The following ACSF3 variants were observed in gnomAD, a reference collection of about 807,000 sequenced individuals.
ACSF3 encodes malonate--CoA ligase ACSF3, mitochondrial.
In ACSF3, 78 loss-of-function variants were observed where a neutral mutation model predicts 53.2. That is an observed-to-expected ratio of 1.47 (90% CI 1.22 to 1.77). The LOEUF (loss-of-function observed/expected upper bound fraction) is 1.77, where lower values mean the gene tolerates loss of function less well. ACSF3 is among the 40% of genes most tolerant of loss of function. The pLI is 0.00. For synonymous variants in ACSF3, 414 were observed against 333.1 expected (o/e 1.24, Z -2.65); for missense variants, 937 against 771.1 (o/e 1.22, Z -2.55).
chr16:89,093,956 G>A lies in ACSF3; in HGVS notation c.-234G>A, dbSNP rs2151380083. ...GCGGCGGAGGACGAGGAAGAGTTGT[G>A]GCGAGGCAGATCCTGCCCCGTGGCC... is the stretch of plus-strand genomic sequence containing the variant. On this transcript the variant is annotated 5_prime_UTR_variant, in exon 1 of 11. Coordinates refer to ENST00000614302, the MANE Select transcript of ACSF3 (RefSeq NM_001243279.3). 1 of 322,184 alleles carries A rather than the reference G, an allele frequency of 3.1e-6. No homozygotes were observed. The highest frequency in any genetic ancestry group is 6.5e-6 in the Non-Finnish European group (1 of 154,090). The allele number at this position is 322,184 out of a possible 1,614,324, so 20.0% of individuals were successfully genotyped here.
At position 89,155,632 on chromosome 16, in the gene ACSF3, G is replaced by A. The variant is rs1216769379; in HGVS notation, c.*1425G>A. On this transcript the variant is annotated 3_prime_UTR_variant, in exon 11 of 11. Coordinates refer to ENST00000614302, the MANE Select transcript of ACSF3 (RefSeq NM_001243279.3). ...GTCCCGCCCTCCCGCCAGAGGCCTG[G>A]ACCCAAGGGAACGGCAGTCAGAGAC... 5 of 454,098 alleles carry A rather than the reference G, an allele frequency of 1.1e-5. No homozygotes were observed. The Admixed American group carries it at 1.2e-4, about 11-fold the overall frequency. The allele number at this position is 454,098 out of a possible 1,614,324, so 28.1% of individuals were successfully genotyped here. A position where few individuals can be genotyped will look rare whatever the true frequency, so the allele number is the denominator to read the frequency against.
At chr16:89,135,792 T>C (rs1202843086) in intron 8 of ACSF3, among the ~76,000 whole-genome samples, 1 of 152,270 alleles carries the variant, frequency 6.6e-6, no homozygotes, top group African/African-American at 2.4e-5. Flanking sequence ...TAGTTATTTT[T>C]GAGACGGAGT....
At chr16:89,120,575 C>T (rs534404563) in intron 6 of ACSF3, among the ~76,000 whole-genome samples, 26 of 152,378 alleles carry the variant, frequency 1.7e-4, no homozygotes, top group African/African-American at 4.6e-4. Flanking sequence ...ACTGTGGCAT[C>T]GGCTGGGCCT....
At chr16:89,097,060 C>G (rs112483345) in intron 1 of ACSF3, among the ~76,000 whole-genome samples, 13 of 152,258 alleles carry the variant, frequency 8.5e-5, no homozygotes, top group Non-Finnish European at 2.9e-5. Context: ...GGAATCCACT[C>G]TTATTCTTCC....
Position 89,112,175 on chromosome 16 carries a change from GTAC to G in ACSF3, c.910_912del (p.Tyr304del), listed in dbSNP as rs779961848. ...CTACAATATACACCAAGCTGATGGA[GTAC>G]TACGACAGGCATTTTACCCAGCCGC... On this transcript the variant is annotated inframe_deletion, in exon 5 of 11. Transcript: ENST00000614302. The G allele has an allele frequency of 7.6e-7, 1 of 1,312,960 alleles. No individual in the cohort carries two copies. The highest frequency in any genetic ancestry group is 2.6e-5 in the Admixed American group (1 of 38,570). The allele number at this position is 1,312,960 out of a possible 1,614,324, so 81.3% of individuals were successfully genotyped here. A position where few individuals can be genotyped will look rare whatever the true frequency, so the allele number is the denominator to read the frequency against.
chr16:89,097,526 G>A lies in ACSF3; in HGVS notation c.-193-1065G>A, dbSNP rs80184139. On this transcript the variant is annotated intron_variant, in intron 1 of 10. Coordinates refer to ENST00000614302, the MANE Select transcript of ACSF3 (RefSeq NM_001243279.3). ...AGTGCCCAGTCGGTTTTCTGTGTGT[G>A]GATTCTCCTTGTTTCTGTGCCCTCA... is the stretch of plus-strand genomic sequence containing the variant. Among the ~76,000 whole-genome samples, 8 of 152,336 alleles carry A rather than the reference G, an allele frequency of 5.3e-5. No homozygotes were observed. In the East Asian group the frequency reaches 1.4e-3, roughly 26 times the overall value.
rs1333291628 is a variant in ACSF3 at position 89,114,427 on chromosome 16, G to C, written c.1066G>C (p.Gly356Arg). Residue 356 changes from glycine (G) to arginine (R), a missense_variant, in exon 6 of 11, where the codon GGC becomes CGC. Coordinates refer to ENST00000614302, the MANE Select transcript of ACSF3 (RefSeq NM_001243279.3). ...ITGHTLLERY[G>R]MTEIGMALSG... ...GGGCCACACCCTGCTGGAGCGGTAT[G>C]GCATGACCGAGATCGGCATGGCTCT... The C allele has an allele frequency of 6.2e-7, 1 of 1,613,844 alleles. No individual in the cohort carries two copies. Among genetic ancestry groups the C allele is most frequent in the East Asian group, 2.2e-5 (1 of 44,880 alleles).
At chr16:89,095,841 G>A (rs1974549677) in intron 1 of ACSF3, among the ~76,000 whole-genome samples, 2 of 152,216 alleles carry the variant, frequency 1.3e-5, no homozygotes, top group Admixed American at 1.3e-4. Context: ...TGCCATCTTA[G>A]CGGTGGGAAG....
chr16:89,155,038 C>A lies in ACSF3; in HGVS notation c.*831C>A, dbSNP rs925651473. The A allele has an allele frequency of 2.2e-6, 1 of 454,130 alleles. No homozygotes were observed. The highest frequency in any genetic ancestry group is 6.9e-5 in the East Asian group (1 of 14,390). 28.1% of individuals were successfully genotyped at this position (454,130 alleles called of 1,614,324 possible). On this transcript the variant is annotated 3_prime_UTR_variant, in exon 11 of 11. Transcript: ENST00000614302. ...GTGGCTCACCAGCTTTTCCCCAGAC[C>A]CAGCTCCGGAGCCCACAGGCGTGGC...
rs1009646633 is a variant in ACSF3, at chr16:89,136,872, G to A, written c.1366+3610G>A. ...CACAACGATGTCTTCAGACGTCAAAGGTCTGTCTCAGGTAACTCCTCTGAC... is the reference window on the plus strand; with the variant it reads ...CACAACGATGTCTTCAGACGTCAAAAGTCTGTCTCAGGTAACTCCTCTGAC... On this transcript the variant is annotated intron_variant, in intron 8 of 10. Transcript: ENST00000614302. The A allele has an allele frequency of 4.3e-5, 54 of 1,268,554 alleles. No individual in the cohort carries two copies. The African/African-American group carries it at 7.7e-4, about 18-fold the overall frequency. The allele number at this position is 1,268,554 out of a possible 1,614,324, so 78.6% of individuals were successfully genotyped here. A position where few individuals can be genotyped will look rare whatever the true frequency, so the allele number is the denominator to read the frequency against.
intron 4 of ACSF3, among the ~76,000 whole-genome samples, chr16:89,106,612 A>G (rs1405460304): frequency 3.3e-5 from 5 of 152,212 alleles, no homozygotes; most frequent in Non-Finnish European, 7.3e-5. Context: ...TATTTAAACA[A>G]ATTTGATGCT....
chr16:89,100,940 GGGT>G lies in ACSF3; in HGVS notation c.261_263del (p.Cys88del). On this transcript the variant is annotated inframe_deletion, in exon 3 of 11. Coordinates refer to ENST00000614302, the MANE Select transcript of ACSF3 (RefSeq NM_001243279.3). The stretch of plus-strand genomic sequence containing the variant: ...GTCCCAGGAGATCTGCAGGCTCTGC[GGGT>G]GTGTCGGCGGGGACCTCCGGGAGGA... The G allele has an allele frequency of 6.2e-7, 1 of 1,613,806 alleles. No individual in the cohort carries two copies. Among genetic ancestry groups the G allele is most frequent in the Non-Finnish European group, 8.5e-7 (1 of 1,180,022 alleles).
chr16:89,144,152 G>A (rs1912436603), intron 8 of ACSF3, among the ~76,000 whole-genome samples: 1 of 152,218 alleles, frequency 6.6e-6, no homozygotes, highest in Non-Finnish European at 1.5e-5. Context: ...ACAGCTTCGG[G>A]CTGGGAGTAC....
rs753012038 is a variant in ACSF3, at chr16:89,101,299, G to A, written c.618G>A (p.Thr206=). 8.7e-6 allele frequency: 14 copies of A among 1,602,322 alleles called. No homozygotes were observed. In the South Asian group the frequency reaches 1.3e-4, roughly 15 times the overall value. Residue 206 remains threonine, a synonymous_variant, in exon 3 of 11, where the codon ACG becomes ACA. Coordinates refer to ENST00000614302, the MANE Select transcript of ACSF3 (RefSeq NM_001243279.3). ...TGATCATCTACACCAGTGGGACCAC[G>A]GGGAGGCCCAAGGGCGTGCTGAGCA... ...GAMIIYTSGT[T]GRPKGVLSTH...
intron 6 of ACSF3, 148 bp from the exon 7 acceptor site, chr16:89,120,653 C>A: frequency 1.3e-6 from 1 of 797,608 alleles, no homozygotes. Context: ...ACCATCTTCT[C>A]TCTGGGTCAC....
chr16:89,095,550 G>C (rs894309093), intron 1 of ACSF3, among the ~76,000 whole-genome samples: 5 of 150,418 alleles, frequency 3.3e-5, no homozygotes, highest in African/African-American at 4.9e-5. Flanking sequence ...CGCTCTCATC[G>C]GGGCAGCCGA....
chr16:89,108,250 G>T (rs1413503027), intron 4 of ACSF3, among the ~76,000 whole-genome samples: 2 of 152,162 alleles, frequency 1.3e-5, no homozygotes, highest in Non-Finnish European at 2.9e-5. Flanking sequence ...CCTTAAATTT[G>T]TTAAATTCCC....
intron 2 of ACSF3, 100 bp downstream of exon 2, chr16:89,098,863 G>A (rs1974931473): frequency 2.2e-6 from 1 of 445,156 alleles, no homozygotes; most frequent in Non-Finnish European, 4.5e-6. Flanking sequence ...ATGCTGAGAT[G>A]AAACCTAACC....
chr16:89,099,574 A>C (rs1033197549), intron 2 of ACSF3, among the ~76,000 whole-genome samples: 4 of 152,166 alleles, frequency 2.6e-5, no homozygotes, highest in African/African-American at 9.7e-5. Flanking sequence ...GGAGGTCAGG[A>C]GTTGGAGACC....
Sources: allele counts gnomAD v4.1 joint callset (sites outside exome capture counted in the v4.1 genomes callset), GRCh38; gene constraint gnomAD v4.1.1; transcripts MANE v1.5; gene names NCBI Gene and HGNC (gene_info 2026-07-23, HGNC 2026-07-21).